GADL1: variants seen among roughly 807,000 people sequenced by gnomAD.
GADL1 encodes the protein GAD like acidic amino acid decarboxylase 1.
Under a neutral mutation model 69.5 loss-of-function variants are expected in GADL1, and 71 were observed. The observed-to-expected ratio is 1.02, with a 90% CI of 0.84 to 1.25. The LOEUF (loss-of-function observed/expected upper bound fraction) is 1.25, where lower values mean the gene tolerates loss of function less well. Ranked by LOEUF, GADL1 falls within the 50% of genes most tolerant of loss-of-function variation. The probability of loss-of-function intolerance (pLI) is 0.00; values close to 1 mark genes in which losing one functional copy is unlikely to be tolerated. For synonymous variants in GADL1, 254 were observed against 214.4 expected, an observed-to-expected ratio of 1.18 and a Z score of -1.62; for missense variants, 737 against 631.8, an observed-to-expected ratio of 1.17 and a Z score of -1.79.
chr3:30,808,157 C>T (rs1476732792), intron 11 of GADL1, among the ~76,000 whole-genome samples: 2 of 150,462 alleles, frequency 1.3e-5, no homozygotes, highest in African/African-American at 4.9e-5. Flanking sequence ...AGGGAAAGAG[C>T]GAGGGAATGG....
intron 13 of GADL1, among the ~76,000 whole-genome samples, chr3:30,785,742 A>C (rs780884833): frequency 1.3e-4 from 20 of 152,212 alleles, no homozygotes; most frequent in Non-Finnish European, 2.5e-4. Flanking sequence ...CATTAGGTTA[A>C]AAACTGCTAT....
chr3:30,820,001 A>G (rs962962349), intron 11 of GADL1, among the ~76,000 whole-genome samples: 1 of 152,016 alleles, frequency 6.6e-6, no homozygotes, highest in Admixed American at 6.6e-5. Flanking sequence ...GATGCCTGTT[A>G]TTGAAATTAT....
At chr3:30,749,463 CT>C (rs1406957394) in intron 14 of GADL1, among the ~76,000 whole-genome samples, 10 of 152,198 alleles carry the variant, frequency 6.6e-5, no homozygotes, top group African/African-American at 2.4e-4. Context: ...CTGTCACTAT[CT>C]TTAATCCAGC....
chr3:30,832,137 T>C (rs1697802898), intron 11 of GADL1, among the ~76,000 whole-genome samples: 1 of 151,796 alleles, frequency 6.6e-6, no homozygotes, highest in Admixed American at 6.6e-5. Context: ...AAACTTAAAC[T>C]GATTGCCACA....
chr3:30,746,544 T>A (rs1695705725), intron 14 of GADL1, among the ~76,000 whole-genome samples: 1 of 152,064 alleles, frequency 6.6e-6, no homozygotes, highest in African/African-American at 2.4e-5. Context: ...GTGATAAGGG[T>A]AATAAGGTGA....
intron 1 of GADL1, among the ~76,000 whole-genome samples, chr3:30,876,651 T>C (rs1698580035): frequency 6.6e-6 from 1 of 151,532 alleles, no homozygotes; most frequent in Non-Finnish European, 1.5e-5. Flanking sequence ...TAGCATCTCA[T>C]ATTTTTGCCT....
chr3:30,833,797 C>T (rs1697828687), intron 11 of GADL1, 56 bp downstream of exon 11: 2 of 1,263,306 alleles, frequency 1.6e-6, no homozygotes, highest in Admixed American at 1.7e-5. Flanking sequence ...AAGCCCTTGG[C>T]AAGCACAGTG....
At chr3:30,851,996 A>T (rs1419446971) in intron 4 of GADL1, among the ~76,000 whole-genome samples, 1 of 152,016 alleles carries the variant, frequency 6.6e-6, no homozygotes, top group Admixed American at 6.6e-5. Context: ...TCTCCTTTTC[A>T]ATTGAGGGAT....
intron 14 of GADL1, 92 bp downstream of exon 14, chr3:30,778,087 G>T (rs1429725749): frequency 5.4e-6 from 4 of 734,490 alleles, no homozygotes; most frequent in Non-Finnish European, 7.2e-6. Context: ...ATAATTCTGT[G>T]CTTGCTAGGC....
At chr3:30,838,095 G>C (rs187228638) in intron 9 of GADL1, among the ~76,000 whole-genome samples, 2 of 152,036 alleles carry the variant, frequency 1.3e-5, no homozygotes, top group African/African-American at 2.4e-5. Flanking sequence ...CCCCCCAAAT[G>C]CTGTTTCCTT....
intron 14 of GADL1, among the ~76,000 whole-genome samples, chr3:30,735,140 T>C (rs1695524231): frequency 6.6e-6 from 1 of 152,190 alleles, no homozygotes. Context: ...TTTTGAAAGC[T>C]ACTTGATCCA....
At chr3:30,734,059 T>A (rs1477525667) in intron 14 of GADL1, among the ~76,000 whole-genome samples, 1 of 152,190 alleles carries the variant, frequency 6.6e-6, no homozygotes, top group Admixed American at 6.5e-5. Context: ...CTTCTGCAGA[T>A]GTGAAAAGTT....
intron 14 of GADL1, among the ~76,000 whole-genome samples, chr3:30,777,383 G>A (rs1219792168): frequency 6.6e-6 from 1 of 152,156 alleles, no homozygotes; most frequent in Non-Finnish European, 1.5e-5. Flanking sequence ...TGATTTTAAT[G>A]GTGCTAGCCC....
At chr3:30,811,170 C>T (rs1464099333) in intron 11 of GADL1, among the ~76,000 whole-genome samples, 1 of 152,134 alleles carries the variant, frequency 6.6e-6, no homozygotes, top group Non-Finnish European at 1.5e-5. Context: ...GATATTTTCT[C>T]CCAGAGTGTA....
At chr3:30,831,706 G>A (rs894977506) in intron 11 of GADL1, among the ~76,000 whole-genome samples, 7 of 151,838 alleles carry the variant, frequency 4.6e-5, no homozygotes, top group Non-Finnish European at 8.8e-5. Context: ...GAATGCTCTC[G>A]TATAAAATTA....
rs1008007840 is a variant in GADL1 at position 30,771,566 on chromosome 3, A to G, written c.1392+6613T>C. ...ATTAGACTCTTTAAACATAAATTTT[A>G]AAGTACAGCTTGAAAGCGAGTGATA... On this transcript the variant is annotated intron_variant, in intron 14 of 14. Coordinates refer to ENST00000282538, the MANE Select transcript of GADL1 (RefSeq NM_207359.3). 2.6e-5 allele frequency among the ~76,000 whole-genome samples: 4 copies of G among 152,198 alleles called. No homozygotes were observed. In the East Asian group the frequency reaches 7.7e-4, roughly 29 times the overall value.
At chr3:30,732,831 G>A (rs1695480061) in intron 14 of GADL1, among the ~76,000 whole-genome samples, 3 of 152,198 alleles carry the variant, frequency 2.0e-5, no homozygotes, top group South Asian at 2.1e-4. Context: ...GCCAAGGCGG[G>A]CAGATCACTT....
chr3:30,762,835 T>C (rs554670926), intron 14 of GADL1, among the ~76,000 whole-genome samples: 33 of 127,582 alleles, frequency 2.6e-4, no homozygotes, highest in Non-Finnish European at 4.1e-4. Flanking sequence ...TGAAAACATG[T>C]GATGTTAGTC....
intron 14 of GADL1, among the ~76,000 whole-genome samples, chr3:30,776,468 T>G (rs1696537947): frequency 6.6e-6 from 1 of 152,228 alleles, no homozygotes; most frequent in Non-Finnish European, 1.5e-5. Flanking sequence ...ATTTTGTGTG[T>G]GACAAATACA....
Sources: allele counts gnomAD v4.1 joint callset (sites outside exome capture counted in the v4.1 genomes callset), GRCh38; gene constraint gnomAD v4.1.1; transcripts MANE v1.5; gene names NCBI Gene and HGNC (gene_info 2026-07-23, HGNC 2026-07-21).